The following RNASET2 variants were observed in gnomAD, a reference collection of about 807,000 sequenced individuals.
The protein encoded by RNASET2 is ribonuclease T2.
Under a neutral mutation model 33.9 loss-of-function variants are expected in RNASET2, and 28 were observed. That is an observed-to-expected ratio of 0.83 (90% CI 0.61 to 1.13). The LOEUF (loss-of-function observed/expected upper bound fraction) is 1.13. Ranked by LOEUF, RNASET2 falls within the 50% of genes most tolerant of loss-of-function variation. The pLI, the probability that RNASET2 is intolerant of heterozygous loss-of-function variation, is 0.00. For synonymous variants in RNASET2, 123 were observed against 121.0 expected, an observed-to-expected ratio of 1.02 and a Z score of -0.11; for missense variants, 330 against 319.9, an observed-to-expected ratio of 1.03 and a Z score of -0.24.
At chr6:166,955,253 A>C (rs1384666608) in intron 1 of RNASET2, among the ~76,000 whole-genome samples, 1 of 92,072 alleles carries the variant, frequency 1.1e-5, no homozygotes, top group Admixed American at 1.2e-4. Context: ...ACACACGCAC[A>C]CACGCACACA....
intron 6 of RNASET2, chr6:166,934,577 G>A: frequency 4.5e-6 from 1 of 223,760 alleles, no homozygotes; most frequent in South Asian, 6.7e-5. Flanking sequence ...CTGCATGTAC[G>A]AGGGCGGTCC....
intron 6 of RNASET2, among the ~76,000 whole-genome samples, chr6:166,936,186 C>T (rs958198395): frequency 1.3e-5 from 2 of 152,214 alleles, no homozygotes; most frequent in African/African-American, 4.8e-5. Context: ...CAAACATACT[C>T]TCAGTAGTGC....
intron 8 of RNASET2, among the ~76,000 whole-genome samples, chr6:166,930,830 T>C (rs1196877417): frequency 6.9e-6 from 1 of 145,278 alleles, no homozygotes; most frequent in Admixed American, 6.9e-5. Flanking sequence ...ACATAGCACA[T>C]GCCCACATGC....
Position 166,948,424 on chromosome 6 carries a change from C to G in RNASET2, c.203+146G>C, listed in dbSNP as rs528374849. The G allele has an allele frequency of 1.1e-5, 8 of 710,302 alleles. No homozygotes were observed. The African/African-American group carries it at 1.4e-4, about 13-fold the overall frequency. 44.0% of individuals were successfully genotyped at this position (710,302 alleles called of 1,614,324 possible). On this transcript the variant is annotated intron_variant, in intron 3 of 8. Coordinates refer to ENST00000508775, the MANE Select transcript of RNASET2 (RefSeq NM_003730.6). ...GAGAATCAGGGTTCTGCTAGAAAGA[C>G]TAAAGATATTTTTAAATAAGAATCT...
At chr6:166,943,512 G>C (rs1372396808) in intron 4 of RNASET2, 1 of 332,244 alleles carries the variant, frequency 3.0e-6, no homozygotes, top group African/African-American at 2.2e-5. Context: ...TAAGAGACAG[G>C]AATGAGATTC....
intron 2 of RNASET2, among the ~76,000 whole-genome samples, chr6:166,951,599 G>T (rs1778986202): frequency 6.6e-6 from 1 of 152,238 alleles, no homozygotes; most frequent in African/African-American, 2.4e-5. Flanking sequence ...CTTGTCTTCT[G>T]GTCACTTCTC....
chr6:166,944,853 C>A (rs1040981612), intron 4 of RNASET2, among the ~76,000 whole-genome samples: 1 of 152,098 alleles, frequency 6.6e-6, no homozygotes, highest in South Asian at 2.1e-4. Flanking sequence ...CCAGCACTGT[C>A]CCCTCTGCCC....
In RNASET2 at chr6:166,926,782, A is replaced by C. The variant is rs1328957611; in HGVS notation, c.*2806T>G. Among the ~76,000 whole-genome samples the C allele has an allele frequency of 6.6e-6, 1 of 152,082 alleles. No individual in the cohort carries two copies. Among genetic ancestry groups the C allele is most frequent in the African/African-American group, 2.4e-5 (1 of 41,404 alleles). The stretch of plus-strand genomic sequence containing the variant: ...AACCTGGTTTTCTTGTCTCGCTTTT[A>C]CCTATGGTGTCTTTTTCCACCATAA... On this transcript the variant is annotated 3_prime_UTR_variant, in exon 9 of 9. Transcript: ENST00000508775.
At chr6:166,937,832 T>C (rs1246296027) in intron 6 of RNASET2, among the ~76,000 whole-genome samples, 1 of 152,182 alleles carries the variant, frequency 6.6e-6, no homozygotes, top group African/African-American at 2.4e-5. Flanking sequence ...TCACAGGGCA[T>C]TCTTTGATGT....
At chr6:166,955,411 GCACACA>G (rs748531821) in intron 1 of RNASET2, 91 of 517,684 alleles carry the variant, frequency 1.8e-4, no homozygotes, top group Non-Finnish European at 2.0e-4. Flanking sequence ...ACACACACGC[GCACACA>G]CACACACACG....
At chr6:166,930,987 GA>G (rs1778422754) in intron 8 of RNASET2, 56 bp downstream of exon 8, 2 of 1,235,048 alleles carry the variant, frequency 1.6e-6, no homozygotes. Context: ...AAGGCCATCA[GA>G]AAAGTAGAAC....
At chr6:166,955,475 A>T (rs1779141738) in intron 1 of RNASET2, 1 of 986,762 alleles carries the variant, frequency 1.0e-6, no homozygotes, top group African/African-American at 1.7e-5. Context: ...ACTCAAAAAG[A>T]GGAAGAACCG....
At chr6:166,942,911 A>G (rs1041753533) in intron 5 of RNASET2, 108 bp downstream of exon 5, 7 of 890,410 alleles carry the variant, frequency 7.9e-6, no homozygotes, top group Middle Eastern at 2.1e-4. Context: ...CCCAGAAGAC[A>G]GATTCTGTTA....
At position 166,928,957 on chromosome 6, in the gene RNASET2, G is replaced by T. The variant is rs1288793595; in HGVS notation, c.*631C>A. Among the ~76,000 whole-genome samples the T allele has an allele frequency of 2.0e-5, 3 of 152,380 alleles. No homozygotes were observed. The South Asian group carries it at 6.2e-4, about 32-fold the overall frequency. On this transcript the variant is annotated 3_prime_UTR_variant, in exon 9 of 9. Coordinates refer to ENST00000508775, the MANE Select transcript of RNASET2 (RefSeq NM_003730.6). ...AAACTGACCTTCCAGTAACCTGGAAGAGACTGCTCTGACGGAGACAGGAGA... is the reference window on the plus strand; with the variant it reads ...AAACTGACCTTCCAGTAACCTGGAATAGACTGCTCTGACGGAGACAGGAGA...
At chr6:166,930,163 G>T (rs1778384889) in intron 8 of RNASET2, among the ~76,000 whole-genome samples, 1 of 152,220 alleles carries the variant, frequency 6.6e-6, no homozygotes, top group African/African-American at 2.4e-5. Flanking sequence ...AGAAGAAATG[G>T]CTTTTGTAGG....
chr6:166,948,286 C>T, intron 3 of RNASET2: 1 of 453,302 alleles, frequency 2.2e-6, no homozygotes, highest in Non-Finnish European at 4.1e-6. Context: ...GTGGAGGTTG[C>T]AGTGAGCCAA....
intron 1 of RNASET2, chr6:166,953,135 T>C (rs1026360585): frequency 4.9e-5 from 9 of 184,016 alleles, no homozygotes; most frequent in African/African-American, 1.9e-4. Context: ...TTGAACACGG[T>C]ATGTGCACTG....
rs192955015 is a variant in RNASET2 at position 166,926,655 on chromosome 6, T to C, written c.*2933A>G. On this transcript the variant is annotated 3_prime_UTR_variant, in exon 9 of 9. Coordinates refer to ENST00000508775, the MANE Select transcript of RNASET2 (RefSeq NM_003730.6). ...TACTAGCTTGGAGAGAGGGATTGCT[T>C]TCCAGGTGACAAAGCATTGTCCCCT... Among the ~76,000 whole-genome samples, 70 of 152,288 alleles carry C rather than the reference T, an allele frequency of 4.6e-4. No individual in the cohort carries two copies. Among genetic ancestry groups the C allele is most frequent in the South Asian group, 2.5e-3 (12 of 4,818 alleles).
rs138138694 is a variant in RNASET2, at chr6:166,924,022, G to A, written c.*5566C>T. On this transcript the variant is annotated 3_prime_UTR_variant, in exon 9 of 9. Coordinates refer to ENST00000508775, the MANE Select transcript of RNASET2 (RefSeq NM_003730.6). ...GCAGAAACAAAAAGTGAAAACAGGC[G>A]ATCTGCATGTTTCCTCATCTGGGCG... is the stretch of plus-strand genomic sequence containing the variant. Among the ~76,000 whole-genome samples the A allele has an allele frequency of 5.6e-4, 86 of 152,280 alleles. 3 individuals carry two copies. The highest frequency in any genetic ancestry group is 1.7e-3 in the African/African-American group (72 of 41,562).
Sources: gnomAD v4.1 joint callset for allele counts (sites outside exome capture counted in the v4.1 genomes callset) on GRCh38, gnomAD v4.1.1 for gene constraint, MANE v1.5 for transcripts, NCBI Gene and HGNC (gene_info 2026-07-23, HGNC 2026-07-21) for gene names.